The following PTPRN variants were observed in gnomAD, a reference collection of about 807,000 sequenced individuals.
PTPRN encodes receptor-type tyrosine-protein phosphatase-like N.
A neutral mutation model predicts 108.5 loss-of-function variants in PTPRN; 70 were observed. The ratio of observed to expected loss-of-function variants is 0.65; its 90% confidence interval spans 0.53 to 0.79. The LOEUF is 0.79. Among genes scored for constraint, PTPRN ranks in the 30% least tolerant of loss-of-function variants. The probability of loss-of-function intolerance (pLI) is 0.00; values close to 1 mark genes in which losing one functional copy is unlikely to be tolerated. For missense variants in PTPRN, 1,136 were observed against 1,295.5 expected, an observed-to-expected ratio of 0.88 and a Z score of 1.89; for synonymous variants, 496 against 524.6, an observed-to-expected ratio of 0.95 and a Z score of 0.75.
chr2:219,309,000 A>G (rs746613189), intron 1 of PTPRN: 20 of 1,518,968 alleles, frequency 1.3e-5, no homozygotes, highest in Admixed American at 4.0e-5. Flanking sequence ...CCAGAGCCCA[A>G]TTCTCTTAGG....
Position 219,302,364 on chromosome 2 carries a change from T to A in PTPRN, c.767A>T (p.His256Leu). 6.2e-7 allele frequency: 1 copy of A among 1,613,412 alleles called. No homozygotes were observed. Among genetic ancestry groups the A allele is most frequent in the South Asian group, 1.1e-5 (1 of 91,022 alleles). Residue 256 changes from histidine (H) to leucine (L), a missense_variant, in exon 6 of 23, where the codon CAC (histidine) becomes CTC (leucine). By Grantham distance (99) the His-to-Leu change is moderately conservative (BLOSUM62 -3). Transcript: ENST00000295718. ...RTASKGIFGD[H>L]PGHSYGDLPG... is the part of the protein sequence containing the mutation. ...AAGGTCCCCGTAGGAGTGGCCAGGG[T>A]GGTCCCCAAATATGCCCTTGGAGGC...
In PTPRN at chr2:219,299,135, C is replaced by T. The variant is rs774635748; in HGVS notation, c.1604-24G>A. 3 of 1,614,164 alleles carry T rather than the reference C, an allele frequency of 1.9e-6. No individual in the cohort carries two copies. The Admixed American group carries it at 5.0e-5, about 27-fold the overall frequency. ...CCCTGCAGGGAGGACAAAGGTCAGG[C>T]TTGCTCCAGCCCCATGTGGTCTCCA... On this transcript the variant is annotated intron_variant, in intron 11 of 22. Coordinates refer to ENST00000295718, the MANE Select transcript of PTPRN (RefSeq NM_002846.4).
rs1952211520 is a variant in PTPRN at position 219,296,875 on chromosome 2, G to A, written c.2237-53C>T. On this transcript the variant is annotated intron_variant, in intron 15 of 22. Transcript: ENST00000295718. This position sits in a 1 kb window ranked among gnomAD's most constrained non-coding sequence, Gnocchi z 6.0. ...ATGGCCCTCTGGTCATTGGCATCGC[G>A]GGACCTCTGCCACTCAGCCTGAGCC... 7.4e-6 allele frequency: 12 copies of A among 1,613,184 alleles called. No individual in the cohort carries two copies. Among genetic ancestry groups the A allele is most frequent in the African/African-American group, 4.0e-5 (3 of 74,860 alleles).
At position 219,307,827 on chromosome 2, in the gene PTPRN, C is replaced by T. The variant is rs761425274; in HGVS notation, c.131G>A (p.Arg44His). 3.1e-6 allele frequency: 5 copies of T among 1,614,106 alleles called. No homozygotes were observed. The highest frequency in any genetic ancestry group is 4.2e-6 in the Non-Finnish European group (5 of 1,179,984). The change falls in exon 2 of 23, where the codon CGC becomes CAC. Residue 44 changes from arginine to histidine, a missense_variant. Physicochemically the swap from Arg to His is conservative, Grantham distance 29 (BLOSUM62 0). Transcript: ENST00000295718. The stretch of plus-strand genomic sequence containing the variant: ...GACTTCCAGGTGAGAGCAGAGCCTG[C>T]GGTCAAATAGACAGCCTGTAGAGGA... ...AVSAHGCLFD[R>H]RLCSHLEVCI...
At position 219,290,509 on chromosome 2, in the gene PTPRN, C is replaced by T. The variant is rs1181422136; in HGVS notation, c.2868+29G>A. On this transcript the variant is annotated intron_variant, in intron 22 of 22. Transcript: ENST00000295718. This position sits in a 1 kb window ranked among gnomAD's most constrained non-coding sequence, Gnocchi z 4.2. Reference sequence around the variant, plus strand: ...AGTGGGTGCTAGGGAAGGGTGGGAGCTGGGGTTGGGGCAGGAAGGCATGGT... The same window carrying T: ...AGTGGGTGCTAGGGAAGGGTGGGAGTTGGGGTTGGGGCAGGAAGGCATGGT... 10 of 1,543,450 alleles carry T rather than the reference C, an allele frequency of 6.5e-6. No individual in the cohort carries two copies. The highest frequency in any genetic ancestry group is 8.8e-6 in the Non-Finnish European group (10 of 1,140,328).
intron 3 of PTPRN, among the ~76,000 whole-genome samples, chr2:219,304,502 T>G (rs1173227833): frequency 6.6e-6 from 1 of 152,224 alleles, no homozygotes; most frequent in African/African-American, 2.4e-5. Context: ...AAAAAAACTC[T>G]GCTCTCAGGA....
In PTPRN at chr2:219,290,016, T is replaced by C. The variant is rs1224784853; in HGVS notation, c.*210A>G. 4 of 577,244 alleles carry C rather than the reference T, an allele frequency of 6.9e-6. No homozygotes were observed. Among genetic ancestry groups the C allele is most frequent in the Non-Finnish European group, 3.2e-6 (1 of 317,050 alleles). The allele number at this position is 577,244 out of a possible 1,614,324, so 35.8% of individuals were successfully genotyped here. A position where few individuals can be genotyped will look rare whatever the true frequency, so the allele number is the denominator to read the frequency against. On this transcript the variant is annotated 3_prime_UTR_variant, in exon 23 of 23. Transcript: ENST00000295718. This position sits in a 1 kb window ranked among gnomAD's most constrained non-coding sequence, Gnocchi z 4.2. ...TCTCCTCCTGGCTGCAGCACCCCCA[T>C]GGGATGCCCTGGGCTCTGGGATGCC...
Position 219,309,399 on chromosome 2 carries a change from G to A in PTPRN, c.-67C>T. The A allele has an allele frequency of 1.2e-6, 1 of 847,172 alleles. No homozygotes were observed. 52.5% of individuals were successfully genotyped at this position (847,172 alleles called of 1,614,324 possible). A position where few individuals can be genotyped will look rare whatever the true frequency, so the allele number is the denominator to read the frequency against. ...GCGACGCTGGCGGGAGCCTGCCAGA[G>A]GGGCTGAGGCGGGGCTTGCCGCTCC... On this transcript the variant is annotated 5_prime_UTR_variant, in exon 1 of 23. Transcript: ENST00000295718.
Position 219,289,809 on chromosome 2 carries a change from G to T in PTPRN, c.*417C>A, listed in dbSNP as rs1050916203. The T allele has an allele frequency of 5.6e-6, 1 of 179,020 alleles. No homozygotes were observed. The highest frequency in any genetic ancestry group is 1.2e-5 in the Non-Finnish European group (1 of 84,154). 11.1% of individuals were successfully genotyped at this position (179,020 alleles called of 1,614,324 possible). ...AGTGTGAGTCAGAGGCAGGCCCGGG[G>T]CTGAGAAGCAGGGGGAGCCGGGTGT... On this transcript the variant is annotated 3_prime_UTR_variant, in exon 23 of 23. Transcript: ENST00000295718.
chr2:219,309,271 C>A lies in PTPRN; in HGVS notation c.62G>T (p.Cys21Phe). The change falls in exon 1 of 23, where the codon TGC (cysteine) becomes TTC (phenylalanine). Residue 21 changes from cysteine (C) to phenylalanine (F), a missense_variant. Coordinates refer to ENST00000295718, the MANE Select transcript of PTPRN (RefSeq NM_002846.4). ...GGSGGLRLLL[C>F]LLLLSSRPGG... ...CGGGCGGCTGCTCAGCAGCAGGAGG[C>A]AGAGGAGCAGCCGGAGACCCCCGGA... 2 of 1,534,856 alleles carry A rather than the reference C, an allele frequency of 1.3e-6. No individual in the cohort carries two copies. Among genetic ancestry groups the A allele is most frequent in the South Asian group, 2.4e-5 (2 of 83,830 alleles).
chr2:219,290,065 G>C lies in PTPRN; in HGVS notation c.*161C>G. ...CCCCAGGCTCTGGCATGCGAGGCTG[G>C]GCAGGCGTGCCCCTTCTGGCTTTCC... On this transcript the variant is annotated 3_prime_UTR_variant, in exon 23 of 23. Coordinates refer to ENST00000295718, the MANE Select transcript of PTPRN (RefSeq NM_002846.4). The surrounding 1 kb of genome is among the most constrained non-coding windows in gnomAD (Gnocchi z 4.2). The C allele has an allele frequency of 1.5e-6, 1 of 682,730 alleles. No homozygotes were observed. Among genetic ancestry groups the C allele is most frequent in the East Asian group, 2.7e-5 (1 of 36,484 alleles). The allele number at this position is 682,730 out of a possible 1,614,324, so 42.3% of individuals were successfully genotyped here.
chr2:219,293,970 A>G, intron 19 of PTPRN: 1 of 437,694 alleles, frequency 2.3e-6, no homozygotes, highest in African/African-American at 2.0e-5. Context: ...GCCCCTGTCT[A>G]GTCCCCACCT....
Position 219,290,192 on chromosome 2 carries a change from G to C in PTPRN, c.*34C>G. 1 of 1,582,330 alleles carries C rather than the reference G, an allele frequency of 6.3e-7. No individual in the cohort carries two copies. The highest frequency in any genetic ancestry group is 8.7e-7 in the Non-Finnish European group (1 of 1,151,330). ...ATGCTCACACAGGCAAAGAGGGACAGAGGCTGGGCTGCCCGCCAAGGGGCC... is the reference window on the plus strand; with the variant it reads ...ATGCTCACACAGGCAAAGAGGGACACAGGCTGGGCTGCCCGCCAAGGGGCC... On this transcript the variant is annotated 3_prime_UTR_variant, in exon 23 of 23. Transcript: ENST00000295718. The surrounding 1 kb of genome is among the most constrained non-coding windows in gnomAD (Gnocchi z 4.2).
chr2:219,298,025 C>A lies in PTPRN; in HGVS notation c.1747G>T (p.Ala583Ser). 6.2e-7 allele frequency: 1 copy of A among 1,614,086 alleles called. No individual in the cohort carries two copies. The highest frequency in any genetic ancestry group is 8.5e-7 in the Non-Finnish European group (1 of 1,180,012). ...PMRSVLLTLV[A>S]LAGVAGLLVA... ...AGCAGCCCAGCCACACCTGCCAGGG[C>A]CACCAGAGTGAGCAGCACTGAGCGC... The change falls in exon 13 of 23, where the codon GCC (alanine) becomes TCC (serine). Residue 583 changes from alanine to serine, a missense_variant. Transcript: ENST00000295718.
Position 219,307,534 on chromosome 2 carries a change from C to T in PTPRN, c.190G>A (p.Val64Met), listed in dbSNP as rs368461966. The T allele has an allele frequency of 2.5e-6, 4 of 1,614,034 alleles. No individual in the cohort carries two copies. The highest frequency in any genetic ancestry group is 2.7e-5 in the African/African-American group (2 of 74,918). The change falls in exon 3 of 23, where the codon GTG (valine) becomes ATG (methionine). Residue 64 changes from valine (V) to methionine (M), a missense_variant. Coordinates refer to ENST00000295718, the MANE Select transcript of PTPRN (RefSeq NM_002846.4). The stretch of plus-strand genomic sequence containing the variant: ...AGGGGCCGGGCCTGCCCCACTCCCA[C>T]CTGGCACTGCCCAAACAAGCCATCT... Reference protein sequence around the residue: ...IQDGLFGQCQVGVGQARPLLQ... With the variant: ...IQDGLFGQCQMGVGQARPLLQ...
intron 20 of PTPRN, among the ~76,000 whole-genome samples, chr2:219,291,175 G>A (rs1182046991): frequency 2.0e-5 from 3 of 152,234 alleles, no homozygotes; most frequent in Non-Finnish European, 4.4e-5. Context: ...GGCAGCAGGA[G>A]GGAATTGGAT....
Position 219,289,780 on chromosome 2 carries a change from C to G in PTPRN, c.*446G>C, listed in dbSNP as rs1952012651. 5.8e-6 allele frequency: 1 copy of G among 171,710 alleles called. No homozygotes were observed. Among genetic ancestry groups the G allele is most frequent in the African/African-American group, 2.4e-5 (1 of 41,976 alleles). The allele number at this position is 171,710 out of a possible 1,614,324, so 10.6% of individuals were successfully genotyped here. On this transcript the variant is annotated 3_prime_UTR_variant, in exon 23 of 23. Transcript: ENST00000295718. ...GCGTGAGGCCAGGGAGGGCAGAGCG[C>G]CCAAGTGTGAGTCAGAGGCAGGCCC...
At chr2:219,291,317 T>G (rs1314922238) in intron 20 of PTPRN, among the ~76,000 whole-genome samples, 153 bp downstream of exon 20, 1 of 152,250 alleles carries the variant, frequency 6.6e-6, no homozygotes. Flanking sequence ...AAACTGTGAA[T>G]GCCACGCTTA....
chr2:219,294,143 T>C, intron 19 of PTPRN: 3 of 531,322 alleles, frequency 5.6e-6, no homozygotes, highest in South Asian at 2.8e-5. Context: ...TTTGTGACTA[T>C]GCAACTGGAG....
Sources: gnomAD v4.1 joint callset for allele counts (sites outside exome capture counted in the v4.1 genomes callset) on GRCh38, gnomAD v4.1.1 for gene constraint, Gnocchi (gnomAD v3.1) non-coding constraint, MANE v1.5 for transcripts, NCBI Gene and HGNC (gene_info 2026-07-23, HGNC 2026-07-21) for gene names.